Variants in HSPG2 observed in about 807,000 individuals in gnomAD.
HSPG2 encodes heparan sulfate proteoglycan 2.
A neutral mutation model predicts 526.6 loss-of-function variants in HSPG2; 278 were observed. The ratio of observed to expected loss-of-function variants is 0.53; its 90% CI spans 0.48 to 0.58. The LOEUF (loss-of-function observed/expected upper bound fraction) is 0.58. HSPG2 is among the 20% of genes least tolerant of loss of function. HSPG2 has a pLI of 0.00. For synonymous variants in HSPG2, 2,465 were observed against 2,555.4 expected (o/e 0.96, Z 1.07); for missense variants, 5,354 against 6,099.5 (o/e 0.88, Z 4.07).
chr1:21,836,586 G>A (rs2098027151), intron 75 of HSPG2, among the ~76,000 whole-genome samples: 1 of 152,208 alleles, frequency 6.6e-6, no homozygotes, highest in South Asian at 2.1e-4. Flanking sequence ...GCCTCCCAAA[G>A]TGCTGGGATT....
intron 1 of HSPG2, among the ~76,000 whole-genome samples, chr1:21,924,353 A>G (rs1045736128): frequency 6.6e-6 from 1 of 152,172 alleles, no homozygotes; most frequent in Non-Finnish European, 1.5e-5. Flanking sequence ...GCCCAACACA[A>G]CTCAAAGTCC....
In HSPG2 at chr1:21,832,381, C is replaced by G. The variant is rs2098008303; in HGVS notation, c.11207+114G>C. On this transcript the variant is annotated intron_variant, in intron 81 of 96. Transcript: ENST00000374695. ...ATTGGGTGGTCACCAAGGGTAACGG[C>G]CACATTTTCTCCTTCCTCCAGATCT... 3 of 879,544 alleles carry G rather than the reference C, an allele frequency of 3.4e-6. No homozygotes were observed. In the East Asian group the frequency reaches 7.5e-5, roughly 22 times the overall value. The allele number at this position is 879,544 out of a possible 1,614,324, so 54.5% of individuals were successfully genotyped here. A position where few individuals can be genotyped will look rare whatever the true frequency, so the allele number is the denominator to read the frequency against.
chr1:21,888,840 G>C, intron 6 of HSPG2: 3 of 548,168 alleles, frequency 5.5e-6, no homozygotes, highest in East Asian at 6.8e-5. Flanking sequence ...AGAGAGGAGG[G>C]CTGGACCCCC....
At chr1:21,861,616 ATGAGG>A in intron 39 of HSPG2, 136 bp downstream of exon 39, 1 of 810,846 alleles carries the variant, frequency 1.2e-6, no homozygotes, top group Non-Finnish European at 2.1e-6. Context: ...CCCAAGAGCA[ATGAGG>A]TGTCTTAGAA....
intron 37 of HSPG2, among the ~76,000 whole-genome samples, chr1:21,863,241 C>T (rs1639966022): frequency 6.7e-6 from 1 of 149,858 alleles, no homozygotes. Flanking sequence ...GGTGTGGTAG[C>T]GGGCGCCTGT....
chr1:21,833,454 G>T lies in HSPG2; in HGVS notation c.10978+13C>A. 1 of 1,614,202 alleles carries T rather than the reference G, an allele frequency of 6.2e-7. No individual in the cohort carries two copies. The highest frequency in any genetic ancestry group is 8.5e-7 in the Non-Finnish European group (1 of 1,180,016). Reference sequence around the variant, plus strand: ...GGGCAGGGCACTGCCAATTCTTAGGGGTGGTGTCTTACCTGGCACCTGCAG... The same window carrying T: ...GGGCAGGGCACTGCCAATTCTTAGGTGTGGTGTCTTACCTGGCACCTGCAG... On this transcript the variant is annotated intron_variant, in intron 79 of 96. Coordinates refer to ENST00000374695, the MANE Select transcript of HSPG2 (RefSeq NM_005529.7).
At position 21,823,246 on chromosome 1, in the gene HSPG2, TTAA is replaced by T. The variant is rs1384787202; in HGVS notation, c.*67_*69del. ...TTTCTTACAAAAATTCATAATAATA[TTAA>T]TAATAATATACTCGACATTGTCGGG... On this transcript the variant is annotated 3_prime_UTR_variant, in exon 97 of 97. Transcript: ENST00000374695. 7.7e-7 allele frequency: 1 copy of T among 1,293,536 alleles called. No homozygotes were observed. The highest frequency in any genetic ancestry group is 1.0e-6 in the Non-Finnish European group (1 of 980,240). 80.1% of individuals were successfully genotyped at this position (1,293,536 alleles called of 1,614,324 possible).
chr1:21,885,403 AC>A lies in HSPG2; in HGVS notation c.1126del (p.Val376SerfsTer34). On this transcript the variant is annotated frameshift_variant, in exon 10 of 97. Coordinates refer to ENST00000374695, the MANE Select transcript of HSPG2 (RefSeq NM_005529.7). LOFTEE classifies it high-confidence loss of function. ...EVCGPTQFRC[V>X]STNMCIPASF... Reference sequence around the variant, plus strand: ...GGCTGGGATGCACATGTTGGTAGAGACGCATCGGAACTGTGTGGGCCCGCAC... The same window carrying A: ...GGCTGGGATGCACATGTTGGTAGAGAGCATCGGAACTGTGTGGGCCCGCAC... 6.2e-7 allele frequency: 1 copy of A among 1,613,992 alleles called. No homozygotes were observed. Among genetic ancestry groups the A allele is most frequent in the Non-Finnish European group, 8.5e-7 (1 of 1,179,980 alleles).
Position 21,861,993 on chromosome 1 carries a change from C to A in HSPG2, c.4863G>T (p.Glu1621Asp). Residue 1621 changes from glutamate to aspartate, a missense_variant, in exon 38 of 97, where the codon GAG (glutamate) becomes GAT (aspartate). Coordinates refer to ENST00000374695, the MANE Select transcript of HSPG2 (RefSeq NM_005529.7). Reference sequence around the variant, plus strand: ...CCTTGAGCTAGGGTACCCACATGTTCTCTGGGTTGGTCAGTGGGCAGGCAC... The same window carrying A: ...CCTTGAGCTAGGGTACCCACATGTTATCTGGGTTGGTCAGTGGGCAGGCAC... ...QPCACPLTNP[E>D]NMFSRTCESL... 2 of 1,614,238 alleles carry A rather than the reference C, an allele frequency of 1.2e-6. No homozygotes were observed. The highest frequency in any genetic ancestry group is 2.2e-5 in the East Asian group (1 of 44,888).
chr1:21,885,692 G>A (rs1641843305), intron 9 of HSPG2, among the ~76,000 whole-genome samples: 1 of 151,292 alleles, frequency 6.6e-6, no homozygotes, highest in South Asian at 2.1e-4. Context: ...TGCCAGTTAT[G>A]GCTGGCACAT....
At position 21,865,672 on chromosome 1, in the gene HSPG2, C is replaced by G. The variant is rs375049316; in HGVS notation, c.4314+45G>C. 4.0e-6 allele frequency: 6 copies of G among 1,491,594 alleles called. No homozygotes were observed. The highest frequency in any genetic ancestry group is 3.5e-4 in the Middle Eastern group (2 of 5,780). The allele number at this position is 1,491,594 out of a possible 1,614,324, so 92.4% of individuals were successfully genotyped here. ...CAAATGCCGAGGGTGCCCCTGGCTTCCATCCTGCCCTTCTGCCCACCCAGC... is the reference window on the plus strand; with the variant it reads ...CAAATGCCGAGGGTGCCCCTGGCTTGCATCCTGCCCTTCTGCCCACCCAGC... On this transcript the variant is annotated intron_variant, in intron 34 of 96. Transcript: ENST00000374695. The surrounding 1 kb of genome is among the most constrained non-coding windows in gnomAD (Gnocchi z 5.4).
At position 21,836,786 on chromosome 1, in the gene HSPG2, C is replaced by T. The variant is rs2098027917; in HGVS notation, c.10355+16G>A. The T allele has an allele frequency of 1.3e-6, 2 of 1,542,842 alleles. No homozygotes were observed. The highest frequency in any genetic ancestry group is 1.2e-5 in the South Asian group (1 of 84,362). On this transcript the variant is annotated intron_variant, in intron 75 of 96. Coordinates refer to ENST00000374695, the MANE Select transcript of HSPG2 (RefSeq NM_005529.7). ...CTATGCTGCCCAAGTCCAGTCCTGCCCCCGGCCCCACTCACCGGAGCACCC... is the reference window on the plus strand; with the variant it reads ...CTATGCTGCCCAAGTCCAGTCCTGCTCCCGGCCCCACTCACCGGAGCACCC...
Position 21,828,766 on chromosome 1 carries a change from G to A in HSPG2, c.12237+69C>T. On this transcript the variant is annotated intron_variant, in intron 88 of 96. Transcript: ENST00000374695. This position sits in a 1 kb window ranked among gnomAD's most constrained non-coding sequence, Gnocchi z 6.0. ...GGAGGGGCCCAATGCCAAGGTGCTTGGAGAGCCGAGGGGGACACAAGGCTT... is the reference window on the plus strand; with the variant it reads ...GGAGGGGCCCAATGCCAAGGTGCTTAGAGAGCCGAGGGGGACACAAGGCTT... 11 of 1,547,166 alleles carry A rather than the reference G, an allele frequency of 7.1e-6. No individual in the cohort carries two copies. Among genetic ancestry groups the A allele is most frequent in the Non-Finnish European group, 9.6e-6 (11 of 1,145,868 alleles).
chr1:21,843,437 A>C lies in HSPG2; in HGVS notation c.8618T>G (p.Val2873Gly), dbSNP rs374773143. ...GTTCAGCCTCAGCAGTGGGCCGTGGACCTGGCCAAGGTGGGGTGAGAGCGG... is the reference window on the plus strand; with the variant it reads ...GTTCAGCCTCAGCAGTGGGCCGTGGCCCTGGCCAAGGTGGGGTGAGAGCGG... ...RGGNLPARHQ[V>G]HGPLLRLNQV... The change falls in exon 66 of 97, where the codon GTC (valine) becomes GGC (glycine). Residue 2873 changes from valine (V) to glycine (G), a missense_variant and splice_region_variant. By Grantham distance (109) the Val-to-Gly change is moderately radical. Coordinates refer to ENST00000374695, the MANE Select transcript of HSPG2 (RefSeq NM_005529.7). The C allele has an allele frequency of 2.2e-5, 36 of 1,611,236 alleles. 1 individual carries two copies. The South Asian group carries it at 3.1e-4, about 14-fold the overall frequency.
In HSPG2 at chr1:21,850,345, T is replaced by G; in HGVS notation, c.7294+18A>C. The G allele has an allele frequency of 8.3e-7, 1 of 1,205,872 alleles. No homozygotes were observed. The highest frequency in any genetic ancestry group is 1.2e-6 in the Non-Finnish European group (1 of 847,178). 74.7% of individuals were successfully genotyped at this position (1,205,872 alleles called of 1,614,324 possible). On this transcript the variant is annotated intron_variant, in intron 56 of 96. Transcript: ENST00000374695. ...CCACCCTGGGTCCCCAGCCCTGCCC[T>G]CCCTGAGAGCTACTCACCAGGCACT... is the stretch of plus-strand genomic sequence containing the variant.
chr1:21,839,247 G>C lies in HSPG2; in HGVS notation c.9889+124C>G, dbSNP rs2098039062. The C allele has an allele frequency of 7.0e-7, 1 of 1,432,738 alleles. No homozygotes were observed. Among genetic ancestry groups the C allele is most frequent in the African/African-American group, 1.4e-5 (1 of 71,400 alleles). The allele number at this position is 1,432,738 out of a possible 1,614,324, so 88.8% of individuals were successfully genotyped here. On this transcript the variant is annotated intron_variant, in intron 73 of 96. Coordinates refer to ENST00000374695, the MANE Select transcript of HSPG2 (RefSeq NM_005529.7). This position sits in a 1 kb window ranked among gnomAD's most constrained non-coding sequence, Gnocchi z 4.5. ...AGGGTGTGGGTGTCGGGCAGGGCAGGCTCCAGGACCCTGCAGCGCCTGGAG... is the reference window on the plus strand; with the variant it reads ...AGGGTGTGGGTGTCGGGCAGGGCAGCCTCCAGGACCCTGCAGCGCCTGGAG...
rs1642740096 is a variant in HSPG2 at position 21,896,259 on chromosome 1, C to T, written c.115G>A (p.Glu39Lys). 6.2e-7 allele frequency: 1 copy of T among 1,614,000 alleles called. No homozygotes were observed. Among genetic ancestry groups the T allele is most frequent in the Non-Finnish European group, 8.5e-7 (1 of 1,179,992 alleles). The change falls in exon 2 of 97, where the codon GAG (glutamate) becomes AAG (lysine). Residue 39 changes from glutamate (E) to lysine (K), a missense_variant. Physicochemically the swap from Glu to Lys is moderately conservative, Grantham distance 56. Transcript: ENST00000374695. ...YDGLSLPEDI[E>K]TVTASQMRWT... is the part of the protein sequence containing the mutation. ...CGCATTTGGCTTGCTGTGACGGTCT[C>T]TATGTCCTCAGGCAGAGACAAGCCA... is the stretch of plus-strand genomic sequence containing the variant.
chr1:21,826,554 G>A (rs1479819660), intron 91 of HSPG2, among the ~76,000 whole-genome samples: 1 of 151,844 alleles, frequency 6.6e-6, no homozygotes, highest in African/African-American at 2.4e-5. Context: ...TGCCCAGGCT[G>A]GAGTGCAATG....
In HSPG2 at chr1:21,847,413, ATGT is replaced by A. The variant is rs770508738; in HGVS notation, c.8102_8104del (p.Asn2701del). ...GACGATGGAGGCCTCCAGGGCATCG[ATGT>A]TGTTGTTGGCCCGGCACACATACTC... On this transcript the variant is annotated inframe_deletion, in exon 62 of 97. Coordinates refer to ENST00000374695, the MANE Select transcript of HSPG2 (RefSeq NM_005529.7). The surrounding 1 kb of genome is among the most constrained non-coding windows in gnomAD (Gnocchi z 4.1). The A allele has an allele frequency of 1.6e-5, 26 of 1,613,752 alleles. No homozygotes were observed. Among genetic ancestry groups the A allele is most frequent in the Middle Eastern group, 3.3e-4 (2 of 6,084 alleles).
Sources: allele counts gnomAD v4.1 joint callset (sites outside exome capture counted in the v4.1 genomes callset), GRCh38; gene constraint gnomAD v4.1.1; non-coding constraint Gnocchi (gnomAD v3.1); transcripts MANE v1.5; gene names NCBI Gene and HGNC (gene_info 2026-07-23, HGNC 2026-07-21).